The following GLDC variants were observed in gnomAD, a reference collection of about 807,000 sequenced individuals.
GLDC encodes the protein glycine decarboxylase.
Under a neutral mutation model 121.3 loss-of-function variants are expected in GLDC, and 104 were observed. The observed-to-expected ratio is 0.86, with a 90% CI of 0.73 to 1.01. The LOEUF is 1.01. Among genes scored for constraint, GLDC ranks in the 50% least tolerant of loss-of-function variants. The pLI is 0.00. For synonymous variants in GLDC, 546 were observed against 480.6 expected (o/e 1.14, Z -1.78); for missense variants, 1,429 against 1,306.6 (o/e 1.09, Z -1.44).
chr9:6,563,134 C>A (rs932063457), intron 16 of GLDC, among the ~76,000 whole-genome samples: 21 of 152,174 alleles, frequency 1.4e-4, no homozygotes, highest in African/African-American at 4.8e-4. Flanking sequence ...GAACAGGAAC[C>A]AGAAAGAATC....
At chr9:6,617,856 G>C (rs1233998307) in intron 3 of GLDC, among the ~76,000 whole-genome samples, 4 of 152,202 alleles carry the variant, frequency 2.6e-5, no homozygotes, top group Non-Finnish European at 4.4e-5. Context: ...GCATGTACTT[G>C]GGTATTTCAA....
rs375402770 is a variant in GLDC, at chr9:6,610,293, G to C, written c.534C>G (p.Asn178Lys). The C allele has an allele frequency of 8.1e-6, 13 of 1,613,676 alleles. No individual in the cohort carries two copies. Among genetic ancestry groups the C allele is most frequent in the African/African-American group, 1.3e-5 (1 of 74,914 alleles). ...VSQGRLESLLNYQTMVCDITG... is the reference protein window; with the variant it reads ...VSQGRLESLLKYQTMVCDITG... The stretch of plus-strand genomic sequence containing the variant: ...TGATGTCACACACCATGGTCTGGTA[G>C]TTGAGTAAACTCTCCAGCCTCCCCT... Residue 178 changes from asparagine (N) to lysine (K), a missense_variant, in exon 4 of 25, where the codon AAC becomes AAG. Coordinates refer to ENST00000321612, the MANE Select transcript of GLDC (RefSeq NM_000170.3).
intron 3 of GLDC, among the ~76,000 whole-genome samples, chr9:6,614,755 T>A (rs1288735461): frequency 6.6e-6 from 1 of 152,084 alleles, no homozygotes; most frequent in African/African-American, 2.4e-5. Context: ...AATACATCGT[T>A]AGGTGATTTA....
Position 6,551,293 on chromosome 9 carries a change from C to T in GLDC, c.2458-379G>A, listed in dbSNP as rs145753340. ...GAGGTCTTGATAATTGCCAGGAATC[C>T]GATGGGATCTGGGCCAATATCTCCA... On this transcript the variant is annotated intron_variant, in intron 20 of 24. Coordinates refer to ENST00000321612, the MANE Select transcript of GLDC (RefSeq NM_000170.3). Among the ~76,000 whole-genome samples the T allele has an allele frequency of 5.6e-3, 850 of 152,156 alleles. 8 individuals carry two copies. Among genetic ancestry groups the T allele is most frequent in the African/African-American group, 0.019 (800 of 41,492 alleles).
chr9:6,549,672 G>C (rs891891900), intron 21 of GLDC, among the ~76,000 whole-genome samples: 2 of 152,192 alleles, frequency 1.3e-5, no homozygotes, highest in South Asian at 2.1e-4. Context: ...CTGGTTTTTA[G>C]TTCCCTCCCA....
intron 2 of GLDC, among the ~76,000 whole-genome samples, chr9:6,623,817 A>G (rs2129963163): frequency 6.6e-6 from 1 of 152,344 alleles, no homozygotes; most frequent in South Asian, 2.1e-4. Context: ...CAACATCCCT[A>G]GGAACAATCA....
intron 20 of GLDC, among the ~76,000 whole-genome samples, chr9:6,552,909 A>G (rs1397543413): frequency 6.6e-6 from 1 of 151,270 alleles, no homozygotes; most frequent in Non-Finnish European, 1.5e-5. Context: ...AATTTCTGCT[A>G]TTTTTCATCT....
At chr9:6,578,122 C>T (rs1368397860) in intron 15 of GLDC, among the ~76,000 whole-genome samples, 1 of 151,678 alleles carries the variant, frequency 6.6e-6, no homozygotes, top group Non-Finnish European at 1.5e-5. Context: ...ACTATCTGGT[C>T]CAGGCTTCTT....
At chr9:6,559,999 A>G (rs1288963624) in intron 16 of GLDC, among the ~76,000 whole-genome samples, 1 of 152,222 alleles carries the variant, frequency 6.6e-6, no homozygotes, top group Non-Finnish European at 1.5e-5. Flanking sequence ...GCTGAGCCTA[A>G]GTTAGAGCTT....
intron 18 of GLDC, 44 bp downstream of exon 18, chr9:6,556,109 C>T (rs780095850): frequency 1.3e-6 from 2 of 1,548,962 alleles, no homozygotes; most frequent in East Asian, 2.2e-5. Context: ...TCCACATATC[C>T]ATTTTCTCAG....
At position 6,582,785 on chromosome 9, in the gene GLDC, C is replaced by T. The variant is rs1262472772; in HGVS notation, c.1850+4356G>A. ...CGATCGTTGCAGTGAGCCGATATCG[C>T]GCCACTGCACTCCAGTCTGGGCGAC... On this transcript the variant is annotated intron_variant, in intron 15 of 24. Coordinates refer to ENST00000321612, the MANE Select transcript of GLDC (RefSeq NM_000170.3). 4.0e-5 allele frequency among the ~76,000 whole-genome samples: 6 copies of T among 150,996 alleles called. No individual in the cohort carries two copies. In the East Asian group the frequency reaches 5.8e-4, roughly 15 times the overall value.
chr9:6,608,850 T>G (rs190331393), intron 4 of GLDC, among the ~76,000 whole-genome samples: 207 of 152,244 alleles, frequency 1.4e-3, no homozygotes, highest in Non-Finnish European at 2.3e-3. Flanking sequence ...AAGCTGAGAA[T>G]AATAACCAGA....
At chr9:6,558,863 C>G (rs1024058473) in intron 16 of GLDC, among the ~76,000 whole-genome samples, 179 bp from the exon 17 acceptor site, 2 of 152,134 alleles carry the variant, frequency 1.3e-5, no homozygotes, top group African/African-American at 4.8e-5. Flanking sequence ...AAAGCAATGT[C>G]CAAAAAAAGT....
At chr9:6,575,534 T>C (rs559566243) in intron 15 of GLDC, among the ~76,000 whole-genome samples, 1 of 152,330 alleles carries the variant, frequency 6.6e-6, no homozygotes, top group South Asian at 2.1e-4. Context: ...GTGATTCTCA[T>C]GCACAATTAA....
At chr9:6,575,149 T>A (rs1272396400) in intron 15 of GLDC, among the ~76,000 whole-genome samples, 1 of 150,262 alleles carries the variant, frequency 6.7e-6, no homozygotes, top group African/African-American at 2.5e-5. Context: ...GAGATTGCAG[T>A]GAGCTGAGAT....
chr9:6,604,868 G>C (rs1379924373), intron 6 of GLDC, 84 bp from the exon 7 acceptor site: 1 of 1,141,970 alleles, frequency 8.8e-7, no homozygotes, highest in African/African-American at 1.5e-5. Flanking sequence ...CTTAACTACA[G>C]GAAGACGGGC....
intron 15 of GLDC, among the ~76,000 whole-genome samples, chr9:6,578,058 A>G (rs754954135): frequency 4.6e-5 from 7 of 151,642 alleles, no homozygotes. Context: ...GGGACTACAG[A>G]AACACGCCAC....
chr9:6,606,289 G>A (rs1203345857), intron 5 of GLDC: 17 of 358,998 alleles, frequency 4.7e-5, no homozygotes, highest in Admixed American at 1.5e-4. Context: ...CAGCCTGGAC[G>A]ACAGAGCGAG....
chr9:6,533,060 A>C lies in GLDC; in HGVS notation c.3020T>G (p.Val1007Gly). 1 of 1,612,422 alleles carries C rather than the reference A, an allele frequency of 6.2e-7. No individual in the cohort carries two copies. The highest frequency in any genetic ancestry group is 8.5e-7 in the Non-Finnish European group (1 of 1,178,432). ...TTGTTCAGAAAATGGAGACTCATAA[A>C]CTTCCATGGGTGGGCAGGTACAAAC... ...HLVCTCPPME[V>G]YESPFSEQKR... The change falls in exon 25 of 25, where the codon GTT becomes GGT. Residue 1007 changes from valine (V) to glycine (G), a missense_variant. Val to Gly is a moderately radical substitution (Grantham distance 109, BLOSUM62 -3). Coordinates refer to ENST00000321612, the MANE Select transcript of GLDC (RefSeq NM_000170.3).
Sources: gnomAD v4.1 joint callset for allele counts (sites outside exome capture counted in the v4.1 genomes callset) on GRCh38, gnomAD v4.1.1 for gene constraint, MANE v1.5 for transcripts, NCBI Gene and HGNC (gene_info 2026-07-23, HGNC 2026-07-21) for gene names.